PRKN: variants seen among roughly 807,000 people sequenced by gnomAD.
PRKN encodes the protein parkin RBR E3 ubiquitin protein ligase.
A neutral mutation model predicts 59.5 loss-of-function variants in PRKN; 56 were observed. The ratio of observed to expected loss-of-function variants is 0.94; its 90% CI spans 0.76 to 1.18. PRKN has a LOEUF of 1.18. PRKN is among the 50% of genes most tolerant of loss of function. PRKN has a pLI of 0.00. For missense variants in PRKN, 657 were observed against 596.4 expected, an observed-to-expected ratio of 1.10 and a Z score of -1.06; for synonymous variants, 250 against 222.1, an observed-to-expected ratio of 1.13 and a Z score of -1.12.
At chr6:162,264,161 C>T (rs1780020531) in intron 2 of PRKN, among the ~76,000 whole-genome samples, 1 of 152,080 alleles carries the variant, frequency 6.6e-6, no homozygotes, top group South Asian at 2.1e-4. Flanking sequence ...CCTGTAATCC[C>T]AGCTACTTGG....
At chr6:162,071,215 C>T (rs1778562727) in intron 4 of PRKN, among the ~76,000 whole-genome samples, 1 of 150,304 alleles carries the variant, frequency 6.7e-6, no homozygotes, top group Non-Finnish European at 1.5e-5. Context: ...TGTCCATGCC[C>T]TCATCTGTGA....
intron 7 of PRKN, among the ~76,000 whole-genome samples, chr6:161,771,197 A>G (rs1789661322): frequency 6.6e-6 from 1 of 151,838 alleles, no homozygotes; most frequent in Non-Finnish European, 1.5e-5. Flanking sequence ...TCTACTAAAA[A>G]TATAAAAAAT....
intron 2 of PRKN, among the ~76,000 whole-genome samples, chr6:162,380,486 TATATACACAC>T: frequency 2.5e-5 from 1 of 40,530 alleles, no homozygotes; most frequent in Non-Finnish European, 5.4e-5. Flanking sequence ...TATATATGTA[TATATACACAC>T]ATATATATGT....
chr6:162,512,779 A>G (rs900821587), intron 1 of PRKN, among the ~76,000 whole-genome samples: 3 of 152,174 alleles, frequency 2.0e-5, no homozygotes, highest in African/African-American at 7.2e-5. Flanking sequence ...AGGTAGGTTT[A>G]AAAACAATTA....
intron 1 of PRKN, among the ~76,000 whole-genome samples, chr6:162,620,422 T>A (rs2128220699): frequency 7.3e-6 from 1 of 137,484 alleles, no homozygotes; most frequent in Non-Finnish European, 1.6e-5. Context: ...ATTCTAAAAA[T>A]TAAAACTCAA....
chr6:162,212,393 G>A (rs1158533645), intron 3 of PRKN, among the ~76,000 whole-genome samples: 2 of 144,388 alleles, frequency 1.4e-5, no homozygotes, highest in Non-Finnish European at 3.0e-5. Context: ...CCCTGTGAAT[G>A]ATCAAGTAAT....
chr6:162,013,416 C>A (rs535773407), intron 5 of PRKN, among the ~76,000 whole-genome samples: 1 of 151,994 alleles, frequency 6.6e-6, no homozygotes, highest in Non-Finnish European at 1.5e-5. Flanking sequence ...GGCTCCAACC[C>A]CAGAATCAAC....
At chr6:162,162,504 C>A (rs1782800708) in intron 4 of PRKN, among the ~76,000 whole-genome samples, 2 of 152,040 alleles carry the variant, frequency 1.3e-5, no homozygotes, top group African/African-American at 4.8e-5. Context: ...ATCTTGGAAC[C>A]TATCTCCCAT....
chr6:161,768,202 A>G (rs1789512224), intron 7 of PRKN, among the ~76,000 whole-genome samples: 1 of 152,186 alleles, frequency 6.6e-6, no homozygotes, highest in African/African-American at 2.4e-5. Flanking sequence ...AAAGTCCTTC[A>G]AGACAGGGTT....
intron 7 of PRKN, among the ~76,000 whole-genome samples, chr6:161,744,409 C>G (rs1251222730): frequency 6.6e-6 from 1 of 152,124 alleles, no homozygotes; most frequent in Non-Finnish European, 1.5e-5. Context: ...GAGTCCATTT[C>G]TGTAATAAGC....
intron 7 of PRKN, among the ~76,000 whole-genome samples, chr6:161,587,289 T>C (rs942074645): frequency 6.6e-6 from 1 of 152,232 alleles, no homozygotes; most frequent in Non-Finnish European, 1.5e-5. Flanking sequence ...TTATTATTGA[T>C]GTTTAGCAGC....
chr6:162,002,759 A>G (rs1168335468), intron 5 of PRKN, among the ~76,000 whole-genome samples: 1 of 152,098 alleles, frequency 6.6e-6, no homozygotes. Flanking sequence ...CTTCTAATAT[A>G]TTCATTCAAT....
intron 8 of PRKN, among the ~76,000 whole-genome samples, chr6:161,567,415 T>C (rs1193456989): frequency 6.6e-6 from 1 of 152,140 alleles, no homozygotes; most frequent in African/African-American, 2.4e-5. Flanking sequence ...ACACTAAATG[T>C]GTTTATGTGT....
intron 1 of PRKN, among the ~76,000 whole-genome samples, chr6:162,650,186 C>T (rs943878074): frequency 6.6e-6 from 1 of 152,196 alleles, no homozygotes; most frequent in African/African-American, 2.4e-5. Context: ...AACAATCCTT[C>T]TGCCCTGCTG....
intron 1 of PRKN, among the ~76,000 whole-genome samples, chr6:162,470,173 G>T (rs1421392985): frequency 1.3e-5 from 2 of 152,120 alleles, no homozygotes; most frequent in Admixed American, 1.3e-4. Flanking sequence ...TCAGACTCAG[G>T]ACTTAAACGC....
chr6:162,708,780 C>T (rs541218896), intron 1 of PRKN, among the ~76,000 whole-genome samples: 2 of 152,322 alleles, frequency 1.3e-5, no homozygotes, highest in East Asian at 3.9e-4. Context: ...GTTGGGAGAG[C>T]AGTCTTCCCT....
chr6:162,173,587 T>C (rs1044771527), intron 4 of PRKN, among the ~76,000 whole-genome samples: 2 of 151,700 alleles, frequency 1.3e-5, no homozygotes, highest in Admixed American at 1.3e-4. Context: ...TGCTTTGTCA[T>C]GGCCTCAGGG....
intron 2 of PRKN, among the ~76,000 whole-genome samples, chr6:162,414,723 A>AG (rs1788534040): frequency 9.2e-6 from 1 of 108,972 alleles, no homozygotes; most frequent in Non-Finnish European, 1.8e-5. Flanking sequence ...AAAAAAAAAA[A>AG]AAAAGTGAAT....
At chr6:162,487,103 A>G (rs1340709086) in intron 1 of PRKN, among the ~76,000 whole-genome samples, 1 of 152,066 alleles carries the variant, frequency 6.6e-6, no homozygotes, top group Non-Finnish European at 1.5e-5. Context: ...GATTTTAAGG[A>G]AAAAAACGCA....
Sources: allele counts gnomAD v4.1 joint callset (sites outside exome capture counted in the v4.1 genomes callset), GRCh38; gene constraint gnomAD v4.1.1; transcripts MANE v1.5; gene names NCBI Gene and HGNC (gene_info 2026-07-23, HGNC 2026-07-21).